Variants in GOLM1 observed in about 807,000 individuals in gnomAD.
GOLM1 encodes golgi membrane protein 1.
A neutral mutation model predicts 50.5 loss-of-function variants in GOLM1; 31 were observed. The observed-to-expected ratio is 0.61, with a 90% CI of 0.46 to 0.83. GOLM1 has a LOEUF of 0.83. Among genes scored for constraint, GOLM1 ranks in the 40% least tolerant of loss-of-function variants. GOLM1 has a pLI of 0.00. For synonymous variants in GOLM1, 178 were observed against 192.8 expected, an observed-to-expected ratio of 0.92 and a Z score of 0.64; for missense variants, 491 against 501.3, an observed-to-expected ratio of 0.98 and a Z score of 0.20.
intron 3 of GOLM1, among the ~76,000 whole-genome samples, chr9:86,065,220 C>T (rs1016054468): frequency 6.6e-6 from 1 of 152,198 alleles, no homozygotes; most frequent in African/African-American, 2.4e-5. Flanking sequence ...TCTACACTGA[C>T]CCCACTACAC....
intron 9 of GOLM1, among the ~76,000 whole-genome samples, chr9:86,032,658 C>T (rs954063219): frequency 6.6e-6 from 1 of 152,108 alleles, no homozygotes; most frequent in Non-Finnish European, 1.5e-5. Flanking sequence ...TTCAAAGCAT[C>T]CTCTTCTAGA....
At chr9:86,055,527 G>T (rs891371306) in intron 3 of GOLM1, among the ~76,000 whole-genome samples, 1 of 152,180 alleles carries the variant, frequency 6.6e-6, no homozygotes, top group African/African-American at 2.4e-5. Flanking sequence ...ACCAAGAGGC[G>T]AATGCAACCC....
chr9:86,031,062 T>C (rs890625643), intron 9 of GOLM1, among the ~76,000 whole-genome samples: 1 of 152,068 alleles, frequency 6.6e-6, no homozygotes, highest in African/African-American at 2.4e-5. Context: ...ATACAAATAT[T>C]AGCTGGACGT....
intron 1 of GOLM1, among the ~76,000 whole-genome samples, chr9:86,081,301 A>G (rs1389005019): frequency 6.7e-6 from 1 of 150,214 alleles, no homozygotes; most frequent in Non-Finnish European, 1.5e-5. Flanking sequence ...GGTTAAAGCG[A>G]TTCTCCTGCC....
intron 3 of GOLM1, among the ~76,000 whole-genome samples, chr9:86,069,059 T>C (rs898237864): frequency 3.0e-4 from 46 of 152,144 alleles, no homozygotes; most frequent in African/African-American, 1.1e-3. Flanking sequence ...TCTACAATTT[T>C]CATGGCATAC....
In GOLM1 at chr9:86,026,415, ACAG is replaced by A. The variant is rs1402437454; in HGVS notation, c.*1399_*1401del. 1 of 985,176 alleles carries A rather than the reference ACAG, an allele frequency of 1.0e-6. No homozygotes were observed. Among genetic ancestry groups the A allele is most frequent in the African/African-American group, 1.7e-5 (1 of 57,204 alleles). 61.0% of individuals were successfully genotyped at this position (985,176 alleles called of 1,614,324 possible). A position where few individuals can be genotyped will look rare whatever the true frequency, so the allele number is the denominator to read the frequency against. On this transcript the variant is annotated 3_prime_UTR_variant, in exon 10 of 10. Coordinates refer to ENST00000388712, the MANE Select transcript of GOLM1 (RefSeq NM_016548.4). ...TTGGAGGTGGCAACGTGAATTGCAA[ACAG>A]GGCCTGCTTCAGTGACTGTGTGCCT... is the stretch of plus-strand genomic sequence containing the variant.
intron 3 of GOLM1, among the ~76,000 whole-genome samples, chr9:86,076,814 C>A (rs1834630779): frequency 6.6e-6 from 1 of 150,722 alleles, no homozygotes; most frequent in Non-Finnish European, 1.5e-5. Context: ...GCCAAGATTG[C>A]ACCATTGCAC....
chr9:86,065,972 G>A lies in GOLM1; in HGVS notation c.309+11440C>T, dbSNP rs554100410. Among the ~76,000 whole-genome samples, 14 of 152,220 alleles carry A rather than the reference G, an allele frequency of 9.2e-5. No homozygotes were observed. In the South Asian group the frequency reaches 1.5e-3, roughly 16 times the overall value. On this transcript the variant is annotated intron_variant, in intron 3 of 9. Coordinates refer to ENST00000388712, the MANE Select transcript of GOLM1 (RefSeq NM_016548.4). Reference sequence around the variant, plus strand: ...GGAGAATCATATGAACCCGGGAGGCGGAGGTTGCAGTGAGCCAAGATTACG... The same window carrying A: ...GGAGAATCATATGAACCCGGGAGGCAGAGGTTGCAGTGAGCCAAGATTACG...
At chr9:86,082,025 C>T (rs1834797082) in intron 1 of GOLM1, among the ~76,000 whole-genome samples, 4 of 84,512 alleles carry the variant, frequency 4.7e-5, no homozygotes, top group South Asian at 4.5e-4. Context: ...ACCTGGGACA[C>T]TTTTTTTTTT....
intron 1 of GOLM1, among the ~76,000 whole-genome samples, chr9:86,083,438 G>GC (rs1206018161): frequency 6.6e-6 from 1 of 152,210 alleles, no homozygotes; most frequent in Non-Finnish European, 1.5e-5. Context: ...AGGCTAGAGT[G>GC]CAGTGGCACG....
intron 9 of GOLM1, among the ~76,000 whole-genome samples, chr9:86,028,842 CTTT>C (rs35054627): frequency 0.037 from 3,946 of 106,692 alleles, 186 homozygotes; most frequent in East Asian, 0.29. Flanking sequence ...GATAAGGGAA[CTTT>C]TTTTTTTTTT....
chr9:86,086,264 T>C (rs1162835639), intron 1 of GOLM1, among the ~76,000 whole-genome samples: 1 of 152,256 alleles, frequency 6.6e-6, no homozygotes, highest in Non-Finnish European at 1.5e-5. Flanking sequence ...GCTGCATAAA[T>C]GTCTTCTTTT....
intron 1 of GOLM1, among the ~76,000 whole-genome samples, chr9:86,093,120 T>C (rs10119637): frequency 0.24 from 36,723 of 152,078 alleles, 7,533 homozygotes; most frequent in African/African-American, 0.54. Flanking sequence ...GTGGCTCATG[T>C]GTATAATCCC....
intron 1 of GOLM1, chr9:86,079,959 C>T (rs1176363051): frequency 3.3e-5 from 5 of 151,966 alleles, no homozygotes; most frequent in Non-Finnish European, 7.4e-5. Flanking sequence ...CCCCCATGTA[C>T]ATCATTATTC....
chr9:86,052,763 C>T (rs561962836), intron 3 of GOLM1, among the ~76,000 whole-genome samples, 172 bp from the exon 4 acceptor site: 1 of 152,248 alleles, frequency 6.6e-6, no homozygotes, highest in Non-Finnish European at 1.5e-5. Flanking sequence ...TGAAAAGGAA[C>T]AGGCCGACCT....
chr9:86,091,632 C>G (rs1243636040), intron 1 of GOLM1, among the ~76,000 whole-genome samples: 1 of 152,152 alleles, frequency 6.6e-6, no homozygotes, highest in Non-Finnish European at 1.5e-5. Flanking sequence ...AATCATGGCT[C>G]ACTGCAGCCT....
rs1832876558 is a variant in GOLM1, at chr9:86,028,878, T to G, written c.1130-985A>C. Among the ~76,000 whole-genome samples, 10 of 142,102 alleles carry G rather than the reference T, an allele frequency of 7.0e-5. No homozygotes were observed. The Admixed American group carries it at 7.4e-4, about 11-fold the overall frequency. The allele number at this position is 142,102 out of a possible 152,430, so 93.2% of individuals were successfully genotyped here. The stretch of plus-strand genomic sequence containing the variant: ...TTTTTTTTTTTTTTGAGACGGAGTC[T>G]GGCTCTATCACCCAGGCTGGAGTGC... On this transcript the variant is annotated intron_variant, in intron 9 of 9. Transcript: ENST00000388712.
chr9:86,051,147 G>T (rs1156758854), intron 4 of GOLM1, among the ~76,000 whole-genome samples: 1 of 152,174 alleles, frequency 6.6e-6, no homozygotes, highest in African/African-American at 2.4e-5. Context: ...GGAGCAGGTT[G>T]TTCAGTTTCC....
chr9:86,069,658 C>G (rs1355622094), intron 3 of GOLM1, among the ~76,000 whole-genome samples: 1 of 152,268 alleles, frequency 6.6e-6, no homozygotes, highest in Non-Finnish European at 1.5e-5. Flanking sequence ...GGTGTGGGGT[C>G]GTTAAAATGG....
Sources: allele counts gnomAD v4.1 joint callset (sites outside exome capture counted in the v4.1 genomes callset), GRCh38; gene constraint gnomAD v4.1.1; transcripts MANE v1.5; gene names NCBI Gene and HGNC (gene_info 2026-07-23, HGNC 2026-07-21).